Variants in EDC3 observed in about 807,000 individuals in gnomAD.
EDC3 encodes the protein enhancer of mRNA decapping 3, also known as enhancer of mRNA-decapping protein 3.
In EDC3, 20 loss-of-function variants were observed where a neutral mutation model predicts 41.8. The ratio of observed to expected loss-of-function variants is 0.48; its 90% confidence interval spans 0.34 to 0.70. The LOEUF (loss-of-function observed/expected upper bound fraction) is 0.70. EDC3 is among the 30% of genes least tolerant of loss of function. EDC3 has a pLI of 0.01. For missense variants in EDC3, 444 were observed against 636.8 expected (o/e 0.70, Z 3.26); for synonymous variants, 206 against 243.2 (o/e 0.85, Z 1.42).
At chr15:74,658,784 C>CA (rs1345942214) in intron 3 of EDC3, among the ~76,000 whole-genome samples, 1 of 151,652 alleles carries the variant, frequency 6.6e-6, no homozygotes, top group Admixed American at 6.6e-5. Context: ...ACTAAAAATA[C>CA]AAAAAATTAG....
At chr15:74,692,108 C>T (rs1217346338) in intron 1 of EDC3, among the ~76,000 whole-genome samples, 1 of 152,156 alleles carries the variant, frequency 6.6e-6, no homozygotes, top group Non-Finnish European at 1.5e-5. Flanking sequence ...CGTGAGCCAC[C>T]GCACCCGGCC....
chr15:74,684,319 C>T (rs1328927605), intron 1 of EDC3, among the ~76,000 whole-genome samples: 4 of 151,566 alleles, frequency 2.6e-5, no homozygotes, highest in African/African-American at 9.7e-5. Flanking sequence ...TACAGGCCCA[C>T]ACCACCACAC....
rs1240180984 is a variant in EDC3, at chr15:74,631,416, G to A, written c.*1196C>T. ...CAGGGCCTAGAGCTTGGCACCTTAG[G>A]ATTTGAGCATCAGTGTGTTCCTATG... On this transcript the variant is annotated 3_prime_UTR_variant, in exon 7 of 7. Coordinates refer to ENST00000315127, the MANE Select transcript of EDC3 (RefSeq NM_025083.5). 6.6e-6 allele frequency: 1 copy of A among 152,248 alleles called. No individual in the cohort carries two copies. The highest frequency in any genetic ancestry group is 1.5e-5 in the Non-Finnish European group (1 of 68,054). 9.4% of individuals were successfully genotyped at this position (152,248 alleles called of 1,614,324 possible).
At chr15:74,663,232 G>A (rs2141631571) in intron 3 of EDC3, among the ~76,000 whole-genome samples, 2 of 152,250 alleles carry the variant, frequency 1.3e-5, no homozygotes, top group South Asian at 4.1e-4. Context: ...AGGTTGCAGT[G>A]AGCCGAGATG....
intron 4 of EDC3, among the ~76,000 whole-genome samples, chr15:74,646,757 T>G (rs1339817848): frequency 4.6e-5 from 7 of 152,064 alleles, no homozygotes; most frequent in African/African-American, 1.7e-4. Context: ...CAGGATAAAG[T>G]TGACAGGGGT....
intron 4 of EDC3, among the ~76,000 whole-genome samples, chr15:74,647,285 G>C (rs949553586): frequency 4.6e-5 from 7 of 152,144 alleles, no homozygotes; most frequent in African/African-American, 1.4e-4. Context: ...AATTTCAAGA[G>C]AATGGTATAT....
intron 5 of EDC3, 46 bp downstream of exon 5, chr15:74,640,411 CCAGGCAGAG>C: frequency 6.3e-7 from 1 of 1,590,708 alleles, no homozygotes; most frequent in Non-Finnish European, 8.6e-7. Context: ...GTGGTGGTGG[CCAGGCAGAG>C]CATCCTTACT....
intron 3 of EDC3, among the ~76,000 whole-genome samples, chr15:74,662,268 T>G (rs984370280): frequency 2.0e-5 from 3 of 152,192 alleles, no homozygotes. Context: ...TACTTTGTTC[T>G]GTAGTTAATC....
intron 4 of EDC3, among the ~76,000 whole-genome samples, chr15:74,648,603 G>C (rs2062444012): frequency 6.6e-6 from 1 of 152,224 alleles, no homozygotes; most frequent in African/African-American, 2.4e-5. Context: ...AGGTGCTGGA[G>C]CTCAGACCAG....
intron 4 of EDC3, chr15:74,642,711 T>G (rs569340227): frequency 2.8e-4 from 42 of 152,340 alleles, no homozygotes; most frequent in African/African-American, 1.0e-3. Flanking sequence ...TCAAGCATTC[T>G]TTCTAGGTCT....
At chr15:74,633,028 A>C in intron 6 of EDC3, 82 bp from the exon 7 acceptor site, 2 of 1,422,128 alleles carry the variant, frequency 1.4e-6, no homozygotes, top group Non-Finnish European at 1.9e-6. Flanking sequence ...GGTCACCCCA[A>C]GGGTGTCTTT....
chr15:74,662,445 T>TA lies in EDC3; in HGVS notation c.485-6378dup, dbSNP rs962074345. Among the ~76,000 whole-genome samples the TA allele has an allele frequency of 2.4e-3, 349 of 148,180 alleles. 1 individual carries two copies. Among genetic ancestry groups the TA allele is most frequent in the East Asian group, 0.016 (80 of 5,102 alleles). ...TATATATATATATATATTTTTTTTT[T>TA]AAAAAGCAAACACTAGCCAATCAAA... is the stretch of plus-strand genomic sequence containing the variant. On this transcript the variant is annotated intron_variant, in intron 3 of 6. Coordinates refer to ENST00000315127, the MANE Select transcript of EDC3 (RefSeq NM_025083.5).
At chr15:74,657,976 A>G (rs2062571564) in intron 3 of EDC3, among the ~76,000 whole-genome samples, 2 of 152,208 alleles carry the variant, frequency 1.3e-5, no homozygotes, top group South Asian at 4.1e-4. Context: ...CATCCACAAC[A>G]GAGTAGCCAG....
At chr15:74,681,613 A>C (rs2062871413) in intron 1 of EDC3, among the ~76,000 whole-genome samples, 1 of 152,230 alleles carries the variant, frequency 6.6e-6, no homozygotes, top group Admixed American at 6.5e-5. Context: ...AAATATGCCC[A>C]ACTGATTTTT....
chr15:74,656,044 T>G lies in EDC3; in HGVS notation c.509A>C (p.Asn170Thr), dbSNP rs920583730. ...NSWSSSSRHP[N>T]QATPKKSGLK... ...ACCACTTTTCTTGGGAGTTGCCTGA[T>G]TTGGGTGCCTGCTACTAGATGACCC... Residue 170 changes from asparagine to threonine, a missense_variant, in exon 4 of 7, where the codon AAT becomes ACT. Coordinates refer to ENST00000315127, the MANE Select transcript of EDC3 (RefSeq NM_025083.5). 1.9e-6 allele frequency: 3 copies of G among 1,611,972 alleles called. No individual in the cohort carries two copies. In the African/African-American group the frequency reaches 4.0e-5, roughly 22 times the overall value.
At chr15:74,642,051 A>G (rs1053411532) in intron 4 of EDC3, 3 of 152,250 alleles carry the variant, frequency 2.0e-5, no homozygotes, top group African/African-American at 7.2e-5. Context: ...GTTATCTATC[A>G]GGTCCAGTCC....
rs535862242 is a variant in EDC3 at position 74,692,189 on chromosome 15, T to C, written c.-19+3691A>G. ...GTAATCACAGAAACCATGTGGCCCA[T>C]AAAGCCTTTCATCTGGCCTTTGACA... On this transcript the variant is annotated intron_variant, in intron 1 of 6. Coordinates refer to ENST00000315127, the MANE Select transcript of EDC3 (RefSeq NM_025083.5). Among the ~76,000 whole-genome samples, 5 of 152,310 alleles carry C rather than the reference T, an allele frequency of 3.3e-5. No homozygotes were observed. The East Asian group carries it at 9.6e-4, about 29-fold the overall frequency.
intron 2 of EDC3, among the ~76,000 whole-genome samples, chr15:74,672,126 G>A (rs1361826163): frequency 5.3e-5 from 8 of 151,928 alleles, no homozygotes; most frequent in South Asian, 2.1e-4. Flanking sequence ...AAAATTAGCC[G>A]GGCATAGTGG....
intron 1 of EDC3, among the ~76,000 whole-genome samples, chr15:74,683,967 G>C (rs541964832): frequency 6.6e-6 from 1 of 151,606 alleles, no homozygotes; most frequent in East Asian, 2.0e-4. Context: ...GAGGCAAGAA[G>C]ATCACAGAGC....
Sources: allele counts gnomAD v4.1 joint callset (sites outside exome capture counted in the v4.1 genomes callset), GRCh38; gene constraint gnomAD v4.1.1; transcripts MANE v1.5; gene names NCBI Gene and HGNC (gene_info 2026-07-23, HGNC 2026-07-21).